Variants in ZNF519 observed in about 807,000 individuals in gnomAD.
ZNF519 encodes the protein similar to Zinc finger protein 85 (Zinc finger protein HPF4) (HTF1).
A neutral mutation model predicts 7.4 loss-of-function variants in ZNF519; 7 were observed. That is an observed-to-expected ratio of 0.94 (90% CI 0.54 to 1.77). The LOEUF is 1.77. Among genes scored for constraint, ZNF519 ranks in the 40% most tolerant of loss-of-function variants. The pLI is 0.00. For missense variants in ZNF519, 586 were observed against 623.1 expected (o/e 0.94, Z 0.63); for synonymous variants, 179 against 203.3 (o/e 0.88, Z 1.02).
intron 1 of ZNF519, among the ~76,000 whole-genome samples, chr18:14,130,194 C>CAAA (rs75044562): frequency 4.7e-5 from 6 of 127,888 alleles, no homozygotes; most frequent in African/African-American, 1.5e-4. Context: ...CTCCGATGGT[C>CAAA]AAAAAAAAAA....
At chr18:14,108,742 T>C (rs1365852245) in intron 2 of ZNF519, among the ~76,000 whole-genome samples, 1 of 152,142 alleles carries the variant, frequency 6.6e-6, no homozygotes, top group Non-Finnish European at 1.5e-5. Context: ...GCTATACTTA[T>C]ATCAGACAAA....
chr18:14,116,870 G>A (rs2869799), intron 2 of ZNF519, among the ~76,000 whole-genome samples: 40,772 of 152,014 alleles, frequency 0.27, 5,998 homozygotes, highest in South Asian at 0.38. Context: ...AATTAGCCAG[G>A]TGTGGTGGTA....
intron 2 of ZNF519, among the ~76,000 whole-genome samples, chr18:14,106,805 A>G (rs1465175208): frequency 6.6e-6 from 1 of 152,034 alleles, no homozygotes; most frequent in Non-Finnish European, 1.5e-5. Flanking sequence ...GGAGATAGAG[A>G]ACACTGGGAT....
intron 3 of ZNF519, among the ~76,000 whole-genome samples, chr18:14,080,696 G>A (rs1024022850): frequency 1.3e-5 from 2 of 152,116 alleles, no homozygotes; most frequent in African/African-American, 4.8e-5. Flanking sequence ...ACCCAAAGAT[G>A]CTGAAAACTT....
chr18:14,113,749 C>T (rs1236515410), intron 2 of ZNF519, among the ~76,000 whole-genome samples: 1 of 149,126 alleles, frequency 6.7e-6, no homozygotes, highest in Non-Finnish European at 1.5e-5. Flanking sequence ...TAATAATTTA[C>T]ATCCCCACCA....
downstream of ZNF519, chr18:14,073,242 A>ATTTATT (rs1555628622): frequency 4.3e-4 from 63 of 146,588 alleles, no homozygotes; most frequent in Admixed American, 8.8e-4. Context: ...TTTTATTTTT[A>ATTTATT]TATTTATTTA....
In ZNF519 at chr18:14,101,944, C is replaced by T. The variant is rs2046164193; in HGVS notation, c.*2973G>A. 2 of 390,932 alleles carry T rather than the reference C, an allele frequency of 5.1e-6. No homozygotes were observed. The highest frequency in any genetic ancestry group is 9.0e-6 in the Non-Finnish European group (2 of 222,102). The allele number at this position is 390,932 out of a possible 1,614,324, so 24.2% of individuals were successfully genotyped here. A position where few individuals can be genotyped will look rare whatever the true frequency, so the allele number is the denominator to read the frequency against. On this transcript the variant is annotated 3_prime_UTR_variant, in exon 3 of 3. Coordinates refer to ENST00000590202, the MANE Select transcript of ZNF519 (RefSeq NM_145287.4). ...ATGCATGAAAGGCAGAGCTTTTCAA[C>T]ATGAATAATTTTAAGACATATAATA...
chr18:14,107,768 G>A (rs539784440), intron 2 of ZNF519, among the ~76,000 whole-genome samples: 1 of 152,264 alleles, frequency 6.6e-6, no homozygotes, highest in Non-Finnish European at 1.5e-5. Flanking sequence ...GAATCTTAAG[G>A]GAACATTGGT....
chr18:14,072,873 A>T (rs2046033154), downstream of ZNF519: 1 of 152,170 alleles, frequency 6.6e-6, no homozygotes, highest in Admixed American at 6.6e-5. Context: ...GAGTGGGTGG[A>T]AACGACATTT....
chr18:14,093,249 T>C (rs146166342), intron 2 of ZNF519, among the ~76,000 whole-genome samples: 1 of 152,278 alleles, frequency 6.6e-6, no homozygotes, highest in East Asian at 1.9e-4. Flanking sequence ...CCTTTGAAAG[T>C]TTCTACTTTC....
At chr18:14,089,348 G>T (rs1007742927) in intron 2 of ZNF519, among the ~76,000 whole-genome samples, 2 of 152,138 alleles carry the variant, frequency 1.3e-5, no homozygotes, top group Non-Finnish European at 2.9e-5. Flanking sequence ...ATAATGAAAA[G>T]AATCTTATGA....
In ZNF519 at chr18:14,118,195, A is replaced by G. The variant is rs1399485030; in HGVS notation, c.130+6155T>C. Among the ~76,000 whole-genome samples the G allele has an allele frequency of 4.0e-5, 6 of 151,882 alleles. No homozygotes were observed. In the South Asian group the frequency reaches 1.2e-3, roughly 32 times the overall value. ...TGCCTCAGCCTCCTGAGTAGCTGGG[A>G]CTACAGGTGCCCGCCACCACGCCCA... On this transcript the variant is annotated intron_variant, in intron 2 of 2. Transcript: ENST00000590202.
chr18:14,124,792 C>G (rs111273376), intron 1 of ZNF519, among the ~76,000 whole-genome samples: 30 of 152,116 alleles, frequency 2.0e-4, no homozygotes, highest in African/African-American at 6.5e-4. Context: ...CATGTTTGAC[C>G]CTGGCCTCAC....
At chr18:14,114,787 C>G (rs1432724898) in intron 2 of ZNF519, among the ~76,000 whole-genome samples, 1 of 151,918 alleles carries the variant, frequency 6.6e-6, no homozygotes, top group Non-Finnish European at 1.5e-5. Flanking sequence ...TTTTAAATAA[C>G]AAAAGGAACG....
Position 14,106,181 on chromosome 18 carries a change from T to C in ZNF519, c.359A>G (p.Glu120Gly). The C allele has an allele frequency of 6.2e-7, 1 of 1,612,678 alleles. No individual in the cohort carries two copies. Among genetic ancestry groups the C allele is most frequent in the Non-Finnish European group, 8.5e-7 (1 of 1,179,636 alleles). ...AGGCTTCTTCTGAAATATTCTATAT[T>C]CTTTGTCTCCTTTCACAGTTAAATG... is the stretch of plus-strand genomic sequence containing the variant. ...NKHLTVKGDK[E>G]YRIFQKKPQF... Residue 120 changes from glutamate to glycine, a missense_variant, in exon 3 of 3, where the codon GAA becomes GGA. Physicochemically the swap from Glu to Gly is moderately conservative, Grantham distance 98. Transcript: ENST00000590202.
Position 14,104,951 on chromosome 18 carries a change from G to C in ZNF519, c.1589C>G (p.Thr530Ser), listed in dbSNP as rs2046180199. 1 of 1,579,032 alleles carries C rather than the reference G, an allele frequency of 6.3e-7. No homozygotes were observed. The highest frequency in any genetic ancestry group is 8.6e-7 in the Non-Finnish European group (1 of 1,165,180). ...ECGKAFNRRS[T>S]LTQHQIIHTR is the part of the protein sequence containing the mutation. ...ATGAATTATTTGATGTTGAGTAAGG[G>C]TTGAGCGTCTGTTAAAAGCTTTGCC... Residue 530 changes from threonine to serine, a missense_variant, in exon 3 of 3, where the codon ACC becomes AGC. Physicochemically the swap from Thr to Ser is moderately conservative, Grantham distance 58. Transcript: ENST00000590202.
intron 2 of ZNF519, chr18:14,090,326 C>T (rs1413479242): frequency 2.0e-5 from 3 of 152,080 alleles, no homozygotes; most frequent in African/African-American, 4.8e-5. Context: ...CCACCCTTGC[C>T]GAGGCTTACA....
chr18:14,095,171 A>G (rs1043689794), downstream of ZNF519, among the ~76,000 whole-genome samples: 3 of 152,126 alleles, frequency 2.0e-5, no homozygotes, highest in Admixed American at 6.5e-5. Context: ...CTTTTGGCCC[A>G]GAGGAACTAG....
Sources: allele counts gnomAD v4.1 joint callset (sites outside exome capture counted in the v4.1 genomes callset), GRCh38; gene constraint gnomAD v4.1.1; transcripts MANE v1.5; gene names NCBI Gene and HGNC (gene_info 2026-07-23, HGNC 2026-07-21).